The following PRDM15 variants were observed in gnomAD, a reference collection of about 807,000 sequenced individuals.
PRDM15 encodes PR/SET domain 15, also known as PR domain zinc finger protein 15.
Under a neutral mutation model 128.6 loss-of-function variants are expected in PRDM15, and 64 were observed. That is an observed-to-expected ratio of 0.50 (90% CI 0.41 to 0.61). The LOEUF is 0.61. PRDM15 is among the 20% of genes least tolerant of loss of function. The pLI is 0.00. For synonymous variants in PRDM15, 615 were observed against 621.8 expected (o/e 0.99, Z 0.16); for missense variants, 1,242 against 1,569.1 (o/e 0.79, Z 3.52).
intron 1 of PRDM15, among the ~76,000 whole-genome samples, chr21:41,872,500 T>C (rs575123111): frequency 3.3e-5 from 5 of 152,352 alleles, no homozygotes; most frequent in African/African-American, 1.2e-4. Context: ...TCAATAACTT[T>C]AATTGATTTT....
chr21:41,869,532 C>T (rs1315563950), intron 1 of PRDM15, among the ~76,000 whole-genome samples: 2 of 151,764 alleles, frequency 1.3e-5, no homozygotes, highest in African/African-American at 4.8e-5. Context: ...CCACAACCTC[C>T]GCCTCCCAGG....
At chr21:41,842,725 G>A (rs1601337055) in intron 6 of PRDM15, among the ~76,000 whole-genome samples, 1 of 150,162 alleles carries the variant, frequency 6.7e-6, no homozygotes, top group Non-Finnish European at 1.5e-5. Flanking sequence ...TCTTGACCTC[G>A]TGATCTGCCT....
Position 41,828,523 on chromosome 21 carries a change from G to A in PRDM15, c.1367-190C>T, listed in dbSNP as rs1042471973. 6.6e-5 allele frequency among the ~76,000 whole-genome samples: 10 copies of A among 151,826 alleles called. No individual in the cohort carries two copies. Among genetic ancestry groups the A allele is most frequent in the Non-Finnish European group, 1.0e-4 (7 of 67,966 alleles). On this transcript the variant is annotated intron_variant, in intron 11 of 23. Coordinates refer to ENST00000398548, the MANE Select transcript of PRDM15 (RefSeq NM_001040424.3). This position sits in a 1 kb window ranked among gnomAD's most constrained non-coding sequence, Gnocchi z 5.7. ...CCCCAGGAACTCACGATGCAGAGACGGGAACCCCGGTGCTTGAAAAGCAGA... is the reference window on the plus strand; with the variant it reads ...CCCCAGGAACTCACGATGCAGAGACAGGAACCCCGGTGCTTGAAAAGCAGA...
At chr21:41,864,110 G>A (rs1029718541) in intron 1 of PRDM15, among the ~76,000 whole-genome samples, 8 of 152,126 alleles carry the variant, frequency 5.3e-5, no homozygotes, top group African/African-American at 1.9e-4. Context: ...CCAAAGTGCT[G>A]GGATTACAGG....
chr21:41,809,207 C>T (rs1438819735), intron 21 of PRDM15, among the ~76,000 whole-genome samples: 2 of 151,786 alleles, frequency 1.3e-5, no homozygotes, highest in Non-Finnish European at 2.9e-5. Context: ...ATCTGTCTAA[C>T]ACAGCCATGG....
At chr21:41,808,593 A>G (rs1045637153) in intron 21 of PRDM15, among the ~76,000 whole-genome samples, 1 of 152,250 alleles carries the variant, frequency 6.6e-6, no homozygotes, top group Non-Finnish European at 1.5e-5. Context: ...GAAGACAAGA[A>G]ATTACCCATC....
intron 1 of PRDM15, among the ~76,000 whole-genome samples, chr21:41,874,415 G>A (rs2064324878): frequency 6.6e-6 from 1 of 150,960 alleles, no homozygotes; most frequent in Admixed American, 6.6e-5. Context: ...CAAGGACCCT[G>A]TTGACCTCTT....
intron 1 of PRDM15, among the ~76,000 whole-genome samples, chr21:41,876,829 C>T (rs917708038): frequency 6.6e-6 from 1 of 152,254 alleles, no homozygotes; most frequent in African/African-American, 2.4e-5. Context: ...CTGTCCTGCC[C>T]CATCTCCCCT....
At chr21:41,852,468 G>A (rs2063460023) in intron 5 of PRDM15, among the ~76,000 whole-genome samples, 2 of 152,230 alleles carry the variant, frequency 1.3e-5, no homozygotes, top group Admixed American at 6.5e-5. Context: ...CCACCACAGG[G>A]GCCTCCCTTG....
At chr21:41,816,773 C>A (rs901635360) in intron 18 of PRDM15, among the ~76,000 whole-genome samples, 7 of 152,174 alleles carry the variant, frequency 4.6e-5, no homozygotes, top group African/African-American at 1.4e-4. Flanking sequence ...CACGATGAAG[C>A]CCGCTGCCTG....
intron 1 of PRDM15, among the ~76,000 whole-genome samples, chr21:41,872,526 C>A (rs577284441): frequency 6.6e-6 from 1 of 152,180 alleles, no homozygotes; most frequent in East Asian, 1.9e-4. Context: ...TTTGCTTAGG[C>A]CTTATTTTTT....
chr21:41,838,717 G>T (rs1394711866), intron 7 of PRDM15, among the ~76,000 whole-genome samples: 1 of 152,212 alleles, frequency 6.6e-6, no homozygotes, highest in East Asian at 1.9e-4. Flanking sequence ...TGGCCAGGGG[G>T]CTTTCAGGCG....
chr21:41,800,939 G>T lies in PRDM15; in HGVS notation c.*301C>A. ...GCTTCACTTTCCCGAACCCTGTGTC[G>T]GGCGAACACTGGTTCTGTAAGGGGA... is the stretch of plus-strand genomic sequence containing the variant. On this transcript the variant is annotated 3_prime_UTR_variant, in exon 24 of 24. Transcript: ENST00000398548. 1 of 337,034 alleles carries T rather than the reference G, an allele frequency of 3.0e-6. No individual in the cohort carries two copies. The highest frequency in any genetic ancestry group is 4.5e-5 in the Admixed American group (1 of 22,120). The allele number at this position is 337,034 out of a possible 1,614,324, so 20.9% of individuals were successfully genotyped here.
chr21:41,860,214 T>C, intron 2 of PRDM15, 113 bp downstream of exon 2: 1 of 743,214 alleles, frequency 1.3e-6, no homozygotes, highest in Non-Finnish European at 2.3e-6. Context: ...CTTTTCTATA[T>C]TATAAAAACC....
rs2062844036 is a variant in PRDM15, at chr21:41,835,522, C to T, written c.1281G>A (p.Val427=). 1 of 1,608,130 alleles carries T rather than the reference C, an allele frequency of 6.2e-7. No individual in the cohort carries two copies. The highest frequency in any genetic ancestry group is 8.5e-7 in the Non-Finnish European group (1 of 1,179,114). Residue 427 remains valine (V), a splice_region_variant and synonymous_variant, in exon 11 of 24, where the codon GTG becomes GTA. Coordinates refer to ENST00000398548, the MANE Select transcript of PRDM15 (RefSeq NM_001040424.3). ...CGCAGCGGTACCTGTACTCGCCGTCCACCTGGTCAGAGGGACACGCCGTGA... is the reference window on the plus strand; with the variant it reads ...CGCAGCGGTACCTGTACTCGCCGTCTACCTGGTCAGAGGGACACGCCGTGA... ...HVSYKHSRNE[V]DGEYRYRCGT...
Position 41,879,238 on chromosome 21 carries a change from G to T in PRDM15, c.-10+32C>A. The T allele has an allele frequency of 1.1e-6, 1 of 880,646 alleles. No individual in the cohort carries two copies. Among genetic ancestry groups the T allele is most frequent in the Non-Finnish European group, 1.4e-6 (1 of 731,770 alleles). 54.6% of individuals were successfully genotyped at this position (880,646 alleles called of 1,614,324 possible). A position where few individuals can be genotyped will look rare whatever the true frequency, so the allele number is the denominator to read the frequency against. On this transcript the variant is annotated intron_variant, in intron 1 of 23. Transcript: ENST00000398548. This position sits in a 1 kb window ranked among gnomAD's most constrained non-coding sequence, Gnocchi z 5.1. ...CGGGGCCGGCGGGGCGCACGCCGGGGCGGGCGGCGGGCGCAGGGCCCGGAG... is the reference window on the plus strand; with the variant it reads ...CGGGGCCGGCGGGGCGCACGCCGGGTCGGGCGGCGGGCGCAGGGCCCGGAG...
chr21:41,804,474 C>CT, intron 22 of PRDM15, 60 bp downstream of exon 22: 1 of 1,326,970 alleles, frequency 7.5e-7, no homozygotes, highest in Non-Finnish European at 1.1e-6. Context: ...CCTCTGGTCC[C>CT]TTCTGCAGGT....
intron 23 of PRDM15, 98 bp from the exon 24 acceptor site, chr21:41,801,820 G>GT: frequency 7.6e-7 from 1 of 1,315,856 alleles, no homozygotes; most frequent in Non-Finnish European, 1.0e-6. Flanking sequence ...CACCAAAGAA[G>GT]CACGACATTC....
intron 14 of PRDM15, 166 bp downstream of exon 14, chr21:41,823,152 A>G: frequency 1.1e-6 from 1 of 882,626 alleles, no homozygotes; most frequent in East Asian, 2.8e-5. Context: ...CTCGCCAGAC[A>G]CCGAATCTAT....
Sources: gnomAD v4.1 joint callset for allele counts (sites outside exome capture counted in the v4.1 genomes callset) on GRCh38, gnomAD v4.1.1 for gene constraint, Gnocchi (gnomAD v3.1) non-coding constraint, MANE v1.5 for transcripts, NCBI Gene and HGNC (gene_info 2026-07-23, HGNC 2026-07-21) for gene names.